Variants in SEH1L observed in about 807,000 individuals in gnomAD.
SEH1L encodes nucleoporin SEH1.
Under a neutral mutation model 49.5 loss-of-function variants are expected in SEH1L, and 18 were observed. The observed-to-expected ratio is 0.36, with a 90% confidence interval of 0.25 to 0.54. The LOEUF (loss-of-function observed/expected upper bound fraction) is 0.54, where lower values mean the gene tolerates loss of function less well. Among genes scored for constraint, SEH1L ranks in the 20% least tolerant of loss-of-function variants. The pLI, the probability that SEH1L is intolerant of heterozygous loss-of-function variation, is 0.87. For missense variants in SEH1L, 404 were observed against 528.8 expected (o/e 0.76, Z 2.31); for synonymous variants, 169 against 178.1 (o/e 0.95, Z 0.41).
At chr18:12,986,758 CCTCTTTGGTT>C in intron 8 of SEH1L, 94 bp from the exon 9 acceptor site, 1 of 1,198,242 alleles carries the variant, frequency 8.3e-7, no homozygotes, top group Non-Finnish European at 1.0e-6. Context: ...TGTGTTTTCT[CCTCTTTGGTT>C]CTCTTTGTAT....
At chr18:12,962,377 GA>G (rs540878226) in intron 3 of SEH1L, among the ~76,000 whole-genome samples, 3,366 of 70,824 alleles carry the variant, frequency 0.048, 92 homozygotes, top group African/African-American at 0.12. Flanking sequence ...CTGTCCCTAA[GA>G]AAAAAAAAAA....
At chr18:12,949,674 C>T (rs1287431720) in intron 1 of SEH1L, among the ~76,000 whole-genome samples, 1 of 151,866 alleles carries the variant, frequency 6.6e-6, no homozygotes, top group African/African-American at 2.4e-5. Flanking sequence ...AGGATGGTCT[C>T]TATCTCCTGA....
rs57733399 is a variant in SEH1L at position 12,958,064 on chromosome 18, C to CTTTTTTTTTTTT, written c.309+2481_309+2492dup. ...TATAACATAATATTCCTCATTTTAA[C>CTTTTTTTTTTTT]TTTTTTTTTTTTTTTTTTTTTTTTT... On this transcript the variant is annotated intron_variant, in intron 3 of 8. Transcript: ENST00000399892. 3.5e-4 allele frequency among the ~76,000 whole-genome samples: 22 copies of CTTTTTTTTTTTT among 62,048 alleles called. 6 individuals are homozygous for CTTTTTTTTTTTT. Among genetic ancestry groups the CTTTTTTTTTTTT allele is most frequent in the East Asian group, 5.5e-4 (1 of 1,826 alleles). The allele number at this position is 62,048 out of a possible 152,430, so 40.7% of individuals were successfully genotyped here. A position where few individuals can be genotyped will look rare whatever the true frequency, so the allele number is the denominator to read the frequency against.
chr18:12,974,551 T>A (rs1415661107), intron 5 of SEH1L: 2 of 152,188 alleles, frequency 1.3e-5, no homozygotes, highest in African/African-American at 4.8e-5. Flanking sequence ...GTGCTGGGAT[T>A]ACAGGTGTGA....
rs180926475 is a variant in SEH1L, at chr18:12,973,986, G to A, written c.620+2735G>A. ...AGCAGGCTTCTTATCAGGTGCTGGC[G>A]GCTGGAGTTTGGTCATCCAGCCATG... On this transcript the variant is annotated intron_variant, in intron 5 of 8. Transcript: ENST00000399892. The A allele has an allele frequency of 1.3e-4, 20 of 152,238 alleles. No individual in the cohort carries two copies. The South Asian group carries it at 1.7e-3, about 13-fold the overall frequency. 9.4% of individuals were successfully genotyped at this position (152,238 alleles called of 1,614,324 possible).
intron 3 of SEH1L, among the ~76,000 whole-genome samples, chr18:12,956,103 G>A (rs551426230): frequency 8.0e-5 from 12 of 150,586 alleles, no homozygotes; most frequent in Non-Finnish European, 1.6e-4. Context: ...GGAGTGCAGT[G>A]GCACAATCTT....
intron 4 of SEH1L, among the ~76,000 whole-genome samples, chr18:12,963,754 C>G (rs1223122776): frequency 6.6e-6 from 1 of 152,214 alleles, no homozygotes; most frequent in Non-Finnish European, 1.5e-5. Context: ...GCTCATTTGC[C>G]CAGGCTGGAG....
Position 12,951,895 on chromosome 18 carries a change from C to A in SEH1L, c.152C>A (p.Ala51Asp), listed in dbSNP as rs755515480. The A allele has an allele frequency of 1.3e-6, 2 of 1,549,546 alleles. No individual in the cohort carries two copies. The highest frequency in any genetic ancestry group is 1.8e-6 in the Non-Finnish European group (2 of 1,135,832). ...GAAAGTGGTGATTGGCATTGTACTGCTAGCTGGAAGGTTAGTATTTATTTT... is the reference window on the plus strand; with the variant it reads ...GAAAGTGGTGATTGGCATTGTACTGATAGCTGGAAGGTTAGTATTTATTTT... ...KSESGDWHCT[A>D]SWKTHSGSVW... is the part of the protein sequence containing the mutation. Residue 51 changes from alanine to aspartate, a missense_variant, in exon 2 of 9, where the codon GCT (alanine) becomes GAT (aspartate). Transcript: ENST00000399892.
rs566187957 is a variant in SEH1L at position 12,957,081 on chromosome 18, T to A, written c.309+1472T>A. Among the ~76,000 whole-genome samples the A allele has an allele frequency of 2.0e-4, 28 of 138,352 alleles. No homozygotes were observed. The South Asian group carries it at 6.1e-3, about 30-fold the overall frequency. 90.8% of individuals were successfully genotyped at this position (138,352 alleles called of 152,430 possible). A position where few individuals can be genotyped will look rare whatever the true frequency, so the allele number is the denominator to read the frequency against. ...AGACTTGTCTCAAAAAAAAAAAAAA[T>A]TCTATAAAAATTGTTTCTTTTGTTT... is the stretch of plus-strand genomic sequence containing the variant. On this transcript the variant is annotated intron_variant, in intron 3 of 8. Coordinates refer to ENST00000399892, the MANE Select transcript of SEH1L (RefSeq NM_001013437.2).
intron 2 of SEH1L, among the ~76,000 whole-genome samples, chr18:12,954,264 G>T (rs2030721073): frequency 6.6e-6 from 1 of 152,148 alleles, no homozygotes; most frequent in Non-Finnish European, 1.5e-5. Context: ...AAATTCTTTT[G>T]ATGGTGAAAT....
At chr18:12,959,651 G>A (rs776212363) in intron 3 of SEH1L, among the ~76,000 whole-genome samples, 5 of 152,084 alleles carry the variant, frequency 3.3e-5, no homozygotes, top group African/African-American at 7.2e-5. Context: ...ATTTTCTCCC[G>A]TTCTGTGGGT....
intron 8 of SEH1L, chr18:12,984,813 T>C (rs939263029): frequency 2.6e-5 from 4 of 155,380 alleles, no homozygotes; most frequent in Non-Finnish European, 5.7e-5. Context: ...ATTATTTTAA[T>C]ATGCCTTTGT....
chr18:12,948,301 G>C lies in SEH1L; in HGVS notation c.111+69G>C, dbSNP rs1040134807. The C allele has an allele frequency of 7.1e-6, 8 of 1,126,974 alleles. No individual in the cohort carries two copies. In the East Asian group the frequency reaches 1.5e-4, roughly 21 times the overall value. The allele number at this position is 1,126,974 out of a possible 1,614,324, so 69.8% of individuals were successfully genotyped here. ...AAGGGGAGTGGGTGGGCGGCGCGGG[G>C]AACGGGGCTGTGTCTTGGTTCAGTG... On this transcript the variant is annotated intron_variant, in intron 1 of 8. Transcript: ENST00000399892.
rs183886059 is a variant in SEH1L at position 12,971,300 on chromosome 18, T to C, written c.620+49T>C. ...AATTGTTCAGAATTGCATTTAATTT[T>C]TTAAAATGTTATTTCTTTATTCATT... On this transcript the variant is annotated intron_variant, in intron 5 of 8. Transcript: ENST00000399892. 5.1e-6 allele frequency: 6 copies of C among 1,182,980 alleles called. No individual in the cohort carries two copies. In the East Asian group the frequency reaches 1.2e-4, roughly 23 times the overall value. The allele number at this position is 1,182,980 out of a possible 1,614,324, so 73.3% of individuals were successfully genotyped here.
intron 3 of SEH1L, among the ~76,000 whole-genome samples, chr18:12,959,698 G>A (rs1418327567): frequency 1.3e-5 from 2 of 152,082 alleles, no homozygotes; most frequent in East Asian, 1.9e-4. Flanking sequence ...TTTGATGCAC[G>A]AAATTTTAAA....
Position 12,987,500 on chromosome 18 carries a change from A to C in SEH1L, c.*443A>C, listed in dbSNP as rs565255941. On this transcript the variant is annotated 3_prime_UTR_variant, in exon 9 of 9. Coordinates refer to ENST00000399892, the MANE Select transcript of SEH1L (RefSeq NM_001013437.2). ...AATGTTGTAACTGACTAGTATGTAA[A>C]ATAAATCATTCCTGTGTATAAAGCA... is the stretch of plus-strand genomic sequence containing the variant. 2 of 152,286 alleles carry C rather than the reference A, an allele frequency of 1.3e-5. No individual in the cohort carries two copies. Among genetic ancestry groups the C allele is most frequent in the East Asian group, 3.8e-4 (2 of 5,316 alleles). 9.4% of individuals were successfully genotyped at this position (152,286 alleles called of 1,614,324 possible). A position where few individuals can be genotyped will look rare whatever the true frequency, so the allele number is the denominator to read the frequency against.
intron 6 of SEH1L, among the ~76,000 whole-genome samples, chr18:12,981,523 C>A (rs2032259969): frequency 1.3e-5 from 2 of 152,256 alleles, no homozygotes; most frequent in African/African-American, 2.4e-5. Flanking sequence ...CCAACACCTA[C>A]AGTTACTTTT....
intron 8 of SEH1L, chr18:12,985,981 T>C: frequency 1.1e-6 from 1 of 899,994 alleles, no homozygotes; most frequent in Non-Finnish European, 1.3e-6. Context: ...AAGAGATAAA[T>C]GTTTCTTATA....
In SEH1L at chr18:12,987,495, T is replaced by C. The variant is rs2032506811; in HGVS notation, c.*438T>C. The C allele has an allele frequency of 6.6e-6, 1 of 152,354 alleles. No homozygotes were observed. Among genetic ancestry groups the C allele is most frequent in the African/African-American group, 2.4e-5 (1 of 41,402 alleles). 9.4% of individuals were successfully genotyped at this position (152,354 alleles called of 1,614,324 possible). A position where few individuals can be genotyped will look rare whatever the true frequency, so the allele number is the denominator to read the frequency against. ...AGGCTAATGTTGTAACTGACTAGTA[T>C]GTAAAATAAATCATTCCTGTGTATA... On this transcript the variant is annotated 3_prime_UTR_variant, in exon 9 of 9. Coordinates refer to ENST00000399892, the MANE Select transcript of SEH1L (RefSeq NM_001013437.2).
Sources: allele counts gnomAD v4.1 joint callset (sites outside exome capture counted in the v4.1 genomes callset), GRCh38; gene constraint gnomAD v4.1.1; transcripts MANE v1.5; gene names NCBI Gene and HGNC (gene_info 2026-07-23, HGNC 2026-07-21).